Variants in PHB2 observed in about 807,000 individuals in gnomAD.
The protein encoded by PHB2 is prohibitin 2.
A neutral mutation model predicts 46.4 loss-of-function variants in PHB2; 22 were observed. The ratio of observed to expected loss-of-function variants is 0.47; its 90% CI spans 0.34 to 0.68. The LOEUF (loss-of-function observed/expected upper bound fraction) is 0.68, where lower values mean the gene tolerates loss of function less well. Among genes scored for constraint, PHB2 ranks in the 30% least tolerant of loss-of-function variants. The pLI is 0.01. For missense variants in PHB2, 305 were observed against 382.8 expected (o/e 0.80, Z 1.70); for synonymous variants, 156 against 150.5 (o/e 1.04, Z -0.27).
rs1555151167 is a variant in PHB2, at chr12:6,967,970, G to C, written c.529C>G (p.Leu177Val). 4 of 1,613,132 alleles carry C rather than the reference G, an allele frequency of 2.5e-6. No individual in the cohort carries two copies. Among genetic ancestry groups the C allele is most frequent in the Admixed American group, 1.7e-5 (1 of 59,978 alleles). Reference sequence around the variant, plus strand: ...GTGATGGCCACATCATCCAGGATGAGGCTGAAGTCCTTGGCCCTCTCTGTC... The same window carrying C: ...GTGATGGCCACATCATCCAGGATGACGCTGAAGTCCTTGGCCCTCTCTGTC... The part of the protein sequence containing the change: ...ELTERAKDFS[L>V]ILDDVAITEL... The change falls in exon 5 of 10, where the codon CTC becomes GTC. Residue 177 changes from leucine to valine, a missense_variant. Leu to Val is a conservative substitution (Grantham distance 32). Coordinates refer to ENST00000535923, the MANE Select transcript of PHB2 (RefSeq NM_001144831.2). This position sits in a 1 kb window ranked among gnomAD's most constrained non-coding sequence, Gnocchi z 4.9.
At position 6,965,931 on chromosome 12, in the gene PHB2, C is replaced by G. The variant is rs782426484; in HGVS notation, c.867-15G>C. 6 of 1,598,082 alleles carry G rather than the reference C, an allele frequency of 3.8e-6. No homozygotes were observed. The Admixed American group carries it at 1.0e-4, about 27-fold the overall frequency. On this transcript the variant is annotated splice_polypyrimidine_tract_variant and intron_variant, in intron 8 of 9. Coordinates refer to ENST00000535923, the MANE Select transcript of PHB2 (RefSeq NM_001144831.2). ...CTTACCTTCCCCTGTGGTGCCAGATCGCCAGATGAACAAGAAACAGAGAAG... is the reference window on the plus strand; with the variant it reads ...CTTACCTTCCCCTGTGGTGCCAGATGGCCAGATGAACAAGAAACAGAGAAG...
chr12:6,970,377 G>A (rs782122914), intron 1 of PHB2, 40 bp downstream of exon 1: 23 of 1,604,128 alleles, frequency 1.4e-5, no homozygotes, highest in African/African-American at 2.7e-5. Context: ...GTTTGGGGGA[G>A]GGACTGGAAG....
At chr12:6,968,053 G>A (rs782253805) in intron 4 of PHB2, 32 bp from the exon 5 acceptor site, 5 of 1,564,110 alleles carry the variant, frequency 3.2e-6, no homozygotes, top group Non-Finnish European at 4.3e-6. Flanking sequence ...GGAAGGGAGG[G>A]GTGGTTTGAG....
In PHB2 at chr12:6,967,434, A is replaced by T. The variant is rs1555150999; in HGVS notation, c.712-186T>A. On this transcript the variant is annotated intron_variant, in intron 6 of 9. Coordinates refer to ENST00000535923, the MANE Select transcript of PHB2 (RefSeq NM_001144831.2). The surrounding 1 kb of genome is among the most constrained non-coding windows in gnomAD (Gnocchi z 4.9). Reference sequence around the variant, plus strand: ...CAGGCTGCTGCCAGGAACTAGGGGCAGCACCAGAAATGAAGGCAAGGCCAC... The same window carrying T: ...CAGGCTGCTGCCAGGAACTAGGGGCTGCACCAGAAATGAAGGCAAGGCCAC... 7.3e-7 allele frequency: 1 copy of T among 1,361,702 alleles called. No homozygotes were observed. Among genetic ancestry groups the T allele is most frequent in the Admixed American group, 1.7e-5 (1 of 59,710 alleles). 84.4% of individuals were successfully genotyped at this position (1,361,702 alleles called of 1,614,324 possible).
chr12:6,970,722 C>A (rs782633394), upstream of PHB2: 15 of 941,008 alleles, frequency 1.6e-5, no homozygotes, highest in South Asian at 2.6e-4. Flanking sequence ...ACTACGGACC[C>A]GAACTTCGCG....
chr12:6,970,180 C>T lies in PHB2; in HGVS notation c.212+16G>A. ...AGGGTGAAAGGTCAGGGTCAGCAGG[C>T]TCTGCCCGCCATTACCTGAAGTGAA... On this transcript the variant is annotated intron_variant, in intron 2 of 9. Coordinates refer to ENST00000535923, the MANE Select transcript of PHB2 (RefSeq NM_001144831.2). The T allele has an allele frequency of 6.3e-7, 1 of 1,598,126 alleles. No homozygotes were observed. Among genetic ancestry groups the T allele is most frequent in the South Asian group, 1.1e-5 (1 of 90,808 alleles).
rs782049666 is a variant in PHB2, at chr12:6,967,402, C to T, written c.712-154G>A. 1 of 1,545,920 alleles carries T rather than the reference C, an allele frequency of 6.5e-7. No homozygotes were observed. Among genetic ancestry groups the T allele is most frequent in the Admixed American group, 1.7e-5 (1 of 59,912 alleles). ...CCTACCGTGGACCCCACCTGTGGGCCTCCCTGCAGGCTGCTGCCAGGAACT... is the reference window on the plus strand; with the variant it reads ...CCTACCGTGGACCCCACCTGTGGGCTTCCCTGCAGGCTGCTGCCAGGAACT... On this transcript the variant is annotated intron_variant, in intron 6 of 9. Transcript: ENST00000535923. The surrounding 1 kb of genome is among the most constrained non-coding windows in gnomAD (Gnocchi z 4.9).
In PHB2 at chr12:6,965,568, G is replaced by A. The variant is rs1946197950; in HGVS notation, c.*117C>T. On this transcript the variant is annotated 3_prime_UTR_variant, in exon 10 of 10. Transcript: ENST00000535923. ...AAGAGGGGTTCAGGGAACCGGTGTG[G>A]GGGACCATCGCATGATACTGGGGCG... 1.3e-6 allele frequency: 1 copy of A among 783,022 alleles called. No homozygotes were observed. The highest frequency in any genetic ancestry group is 2.6e-5 in the East Asian group (1 of 38,218). The allele number at this position is 783,022 out of a possible 1,614,324, so 48.5% of individuals were successfully genotyped here.
In PHB2 at chr12:6,970,653, G is replaced by A. The variant is rs782792427; in HGVS notation, c.-110C>T. ...TTCACACGAGGGTTCGGGCCCGTAAGGCTGGCGAAAGAAAGGGCAGCGGAA... is the reference window on the plus strand; with the variant it reads ...TTCACACGAGGGTTCGGGCCCGTAAAGCTGGCGAAAGAAAGGGCAGCGGAA... On this transcript the variant is annotated 5_prime_UTR_variant, in exon 1 of 10. Coordinates refer to ENST00000535923, the MANE Select transcript of PHB2 (RefSeq NM_001144831.2). 6.7e-6 allele frequency: 9 copies of A among 1,344,618 alleles called. No homozygotes were observed. The highest frequency in any genetic ancestry group is 9.0e-6 in the Non-Finnish European group (9 of 994,996). 83.3% of individuals were successfully genotyped at this position (1,344,618 alleles called of 1,614,324 possible).
intron 8 of PHB2, 58 bp downstream of exon 8, chr12:6,966,366 A>C (rs966383218): frequency 4.4e-5 from 47 of 1,071,444 alleles, no homozygotes; most frequent in Non-Finnish European, 6.4e-5. Context: ...GAGCCCAAAC[A>C]ACCAGACTCA....
chr12:6,968,898 T>C (rs1301187678), intron 3 of PHB2, among the ~76,000 whole-genome samples: 1 of 152,232 alleles, frequency 6.6e-6, no homozygotes, highest in African/African-American at 2.4e-5. Context: ...TCATGTCTCC[T>C]GTAAGGACTT....
In PHB2 at chr12:6,970,259, A is replaced by G. The variant is rs1555151824; in HGVS notation, c.149T>C (p.Ile50Thr). 1 of 1,613,638 alleles carries G rather than the reference A, an allele frequency of 6.2e-7. No individual in the cohort carries two copies. The highest frequency in any genetic ancestry group is 8.5e-7 in the Non-Finnish European group (1 of 1,179,848). The change falls in exon 2 of 10, where the codon ATC becomes ACC. Residue 50 changes from isoleucine to threonine, a missense_variant. Physicochemically the swap from Ile to Thr is moderately conservative, Grantham distance 89. Coordinates refer to ENST00000535923, the MANE Select transcript of PHB2 (RefSeq NM_001144831.2). ...CACTCCACCGATCCGATTGAAGAAGATGGCTCTGTGCCCGCCTTCCACTGT... is the reference window on the plus strand; with the variant it reads ...CACTCCACCGATCCGATTGAAGAAGGTGGCTCTGTGCCCGCCTTCCACTGT... ...VFTVEGGHRA[I>T]FFNRIGGVQQ... is the part of the protein sequence containing the mutation.
At chr12:6,969,706 C>CT (rs1946283821) in intron 2 of PHB2, 129 bp from the exon 3 acceptor site, 1 of 617,454 alleles carries the variant, frequency 1.6e-6, no homozygotes, top group South Asian at 1.8e-5. Flanking sequence ...TCGAGACCAG[C>CT]TTGATCTACA....
At position 6,970,209 on chromosome 12, in the gene PHB2, C is replaced by T; in HGVS notation, c.199G>A (p.Gly67Ser). 3.1e-6 allele frequency: 5 copies of T among 1,613,502 alleles called. No individual in the cohort carries two copies. The highest frequency in any genetic ancestry group is 4.2e-6 in the Non-Finnish European group (5 of 1,179,622). Residue 67 changes from glycine to serine, a missense_variant, in exon 2 of 10, where the codon GGC becomes AGC. This residue lies in a region of PHB2 where 241 missense variants were observed against 302.7 expected (regional missense o/e 0.80). Transcript: ENST00000535923. ...GVQQDTILAE[G>S]LHFRIPWFQY... ...GCCCGCCATTACCTGAAGTGAAGGC[C>T]CTCGGCCAGGATAGTGTCCTGCTGC...
rs905862718 is a variant in PHB2 at position 6,968,850 on chromosome 12, G to A, written c.293-255C>T. On this transcript the variant is annotated intron_variant, in intron 3 of 9. Coordinates refer to ENST00000535923, the MANE Select transcript of PHB2 (RefSeq NM_001144831.2). ...TACTCTTTCCCCCTCTGTACTCTGT[G>A]CAACCTCTAACGTGGGCGCTTTCGT... 30 of 513,204 alleles carry A rather than the reference G, an allele frequency of 5.8e-5. 1 individual carries two copies. The South Asian group carries it at 5.9e-4, about 10-fold the overall frequency. 31.8% of individuals were successfully genotyped at this position (513,204 alleles called of 1,614,324 possible).
In PHB2 at chr12:6,965,431, A is replaced by G. The variant is rs1946195382; in HGVS notation, c.*254T>C. 1.8e-6 allele frequency: 1 copy of G among 566,986 alleles called. No individual in the cohort carries two copies. The highest frequency in any genetic ancestry group is 3.2e-6 in the Non-Finnish European group (1 of 315,808). 35.1% of individuals were successfully genotyped at this position (566,986 alleles called of 1,614,324 possible). On this transcript the variant is annotated 3_prime_UTR_variant, in exon 10 of 10. Coordinates refer to ENST00000535923, the MANE Select transcript of PHB2 (RefSeq NM_001144831.2). ...TCCCAGCCTTGAGGGAGGGAACAAC[A>G]CTGTAGGAAATCACTGAGAAATCAC... is the stretch of plus-strand genomic sequence containing the variant.
Position 6,965,894 on chromosome 12 carries a change from A to C in PHB2, c.872+17T>G, listed in dbSNP as rs782641319. ...GAAGGTGGCCTGCAGGACCCCACAG[A>C]AGCAACAACAGCTTACCTTCCCCTG... is the stretch of plus-strand genomic sequence containing the variant. On this transcript the variant is annotated intron_variant, in intron 9 of 9. Coordinates refer to ENST00000535923, the MANE Select transcript of PHB2 (RefSeq NM_001144831.2). 1.3e-6 allele frequency: 2 copies of C among 1,599,098 alleles called. No homozygotes were observed. The highest frequency in any genetic ancestry group is 3.3e-5 in the Admixed American group (2 of 59,896).
chr12:6,970,670 G>A (rs782180993), upstream of PHB2: 43 of 1,201,546 alleles, frequency 3.6e-5, no homozygotes, highest in East Asian at 9.5e-4. Context: ...GAAAGAAAGG[G>A]CAGCGGAAGT....
chr12:6,970,159 T>A, intron 2 of PHB2, 37 bp downstream of exon 2: 3 of 1,505,874 alleles, frequency 2.0e-6, no homozygotes, highest in Non-Finnish European at 2.8e-6. Context: ...GCGTCAAGGG[T>A]GAAAGGTCAG....
Sources: gnomAD v4.1 joint callset for allele counts (sites outside exome capture counted in the v4.1 genomes callset) on GRCh38, gnomAD v4.1.1 for gene constraint, gnomAD v4.1.1 regional missense constraint, Gnocchi (gnomAD v3.1) non-coding constraint, MANE v1.5 for transcripts, NCBI Gene and HGNC (gene_info 2026-07-23, HGNC 2026-07-21) for gene names.